Variants in RGS21 observed in about 807,000 individuals in gnomAD.
RGS21 encodes the protein regulator of G protein signaling 21.
Under a neutral mutation model 18.7 loss-of-function variants are expected in RGS21, and 19 were observed. The ratio of observed to expected loss-of-function variants is 1.01; its 90% CI spans 0.71 to 1.49. The LOEUF is 1.49. RGS21 is among the 40% of genes most tolerant of loss of function. RGS21 has a pLI of 0.00. For missense variants in RGS21, 194 were observed against 176.8 expected (o/e 1.10, Z -0.55); for synonymous variants, 56 against 57.8 (o/e 0.97, Z 0.14).
At chr1:192,361,306 G>A (rs1190757105) in intron 4 of RGS21, among the ~76,000 whole-genome samples, 1 of 152,100 alleles carries the variant, frequency 6.6e-6, no homozygotes, top group Non-Finnish European at 1.5e-5. Flanking sequence ...AGAAAGAAAA[G>A]ACTTGAGGCA....
At chr1:192,353,975 T>C (rs893728301) in intron 4 of RGS21, among the ~76,000 whole-genome samples, 3 of 151,650 alleles carry the variant, frequency 2.0e-5, no homozygotes, top group Admixed American at 6.6e-5. Flanking sequence ...TGTTTATATA[T>C]ACATATATAT....
In RGS21 at chr1:192,347,387, A is replaced by G. The variant is rs1362682176; in HGVS notation, c.86A>G (p.Gln29Arg). The change falls in exon 3 of 5, where the codon CAA (glutamine) becomes CGA (arginine). Residue 29 changes from glutamine (Q) to arginine (R), a missense_variant and splice_region_variant. Coordinates refer to ENST00000417209, the MANE Select transcript of RGS21 (RefSeq NM_001039152.3). ...AATATGGACACGCTTTTAGCCAACCAAGGTAAGATTTAACTAATAATAGGC... is the reference window on the plus strand; with the variant it reads ...AATATGGACACGCTTTTAGCCAACCGAGGTAAGATTTAACTAATAATAGGC... ...SENMDTLLAN[Q>R]AGLDAFRIFL... 3 of 1,551,074 alleles carry G rather than the reference A, an allele frequency of 1.9e-6. No homozygotes were observed. The highest frequency in any genetic ancestry group is 2.7e-6 in the Non-Finnish European group (3 of 1,124,750).
chr1:192,366,081 G>A lies in RGS21; in HGVS notation c.416G>A (p.Ser139Asn), dbSNP rs372878348. 1.9e-5 allele frequency: 31 copies of A among 1,611,592 alleles called. 1 individual carries two copies. Among genetic ancestry groups the A allele is most frequent in the Admixed American group, 1.5e-4 (9 of 59,804 alleles). Residue 139 changes from serine to asparagine, a missense_variant, in exon 5 of 5, where the codon AGC becomes AAC. Coordinates refer to ENST00000417209, the MANE Select transcript of RGS21 (RefSeq NM_001039152.3). ...GAGATTTATAAAAAACTGGTAAATAGCCAACAGGTTCCAAATCATAAAAAA... is the reference window on the plus strand; with the variant it reads ...GAGATTTATAAAAAACTGGTAAATAACCAACAGGTTCCAAATCATAAAAAA... ...KSEIYKKLVN[S>N]QQVPNHKKWL...
intron 1 of RGS21, among the ~76,000 whole-genome samples, chr1:192,320,481 C>G (rs1658479671): frequency 7.3e-6 from 1 of 136,474 alleles, no homozygotes; most frequent in African/African-American, 2.7e-5. Context: ...CTAGCACAGA[C>G]CATGTAAAAT....
chr1:192,318,924 A>G (rs1658457746), intron 1 of RGS21, among the ~76,000 whole-genome samples: 1 of 152,096 alleles, frequency 6.6e-6, no homozygotes, highest in Non-Finnish European at 1.5e-5. Context: ...GAAGGGCAGA[A>G]TAAAATCCAT....
At chr1:192,349,509 C>T (rs1206772450) in intron 3 of RGS21, among the ~76,000 whole-genome samples, 1 of 152,144 alleles carries the variant, frequency 6.6e-6, no homozygotes, top group African/African-American at 2.4e-5. Flanking sequence ...ACTTAACGCC[C>T]TTTGTTGATG....
At chr1:192,344,361 T>C (rs1658916817) in intron 2 of RGS21, among the ~76,000 whole-genome samples, 4 of 152,090 alleles carry the variant, frequency 2.6e-5, no homozygotes, top group Admixed American at 2.6e-4. Context: ...CAAACTTGTG[T>C]TTCAATTCTA....
Position 192,366,330 on chromosome 1 carries a change from G to C in RGS21, c.*206G>C. The C allele has an allele frequency of 2.1e-6, 1 of 485,356 alleles. No homozygotes were observed. The highest frequency in any genetic ancestry group is 3.6e-6 in the Non-Finnish European group (1 of 275,098). 30.1% of individuals were successfully genotyped at this position (485,356 alleles called of 1,614,324 possible). On this transcript the variant is annotated 3_prime_UTR_variant, in exon 5 of 5. Transcript: ENST00000417209. The stretch of plus-strand genomic sequence containing the variant: ...TTTACCAGCTATTTAATCTCCTACT[G>C]GGGGAGTACAAAGAAAGTTTATAGA...
chr1:192,352,187 T>A lies in RGS21; in HGVS notation c.229T>A (p.Phe77Ile), dbSNP rs777955991. ...ASKAKMIYSEFIEADAPKEIN... is the reference protein window; with the variant it reads ...ASKAKMIYSEIIEADAPKEIN... ...CAAAGCCAAGATGATTTATTCTGAA[T>A]TCATTGAAGCTGATGCACCTAAAGA... is the stretch of plus-strand genomic sequence containing the variant. Residue 77 changes from phenylalanine to isoleucine, a missense_variant, in exon 4 of 5, where the codon TTC (phenylalanine) becomes ATC (isoleucine). Transcript: ENST00000417209. 3.7e-6 allele frequency: 6 copies of A among 1,609,320 alleles called. No individual in the cohort carries two copies. The Admixed American group carries it at 6.7e-5, about 18-fold the overall frequency.
At position 192,366,545 on chromosome 1, in the gene RGS21, A is replaced by T. The variant is rs971649115; in HGVS notation, c.*421A>T. ...TTTCTGAACCAAAATACAAGCTTTC[A>T]TTTAATATATTTAACTGTTTTTTTT... On this transcript the variant is annotated 3_prime_UTR_variant, in exon 5 of 5. Coordinates refer to ENST00000417209, the MANE Select transcript of RGS21 (RefSeq NM_001039152.3). The T allele has an allele frequency of 1.3e-5, 2 of 153,002 alleles. No individual in the cohort carries two copies. Among genetic ancestry groups the T allele is most frequent in the Admixed American group, 1.3e-4 (2 of 15,284 alleles). 9.5% of individuals were successfully genotyped at this position (153,002 alleles called of 1,614,324 possible).
At chr1:192,337,635 G>T (rs564342059) in intron 1 of RGS21, among the ~76,000 whole-genome samples, 1 of 151,912 alleles carries the variant, frequency 6.6e-6, no homozygotes, top group East Asian at 1.9e-4. Context: ...AAACACAGGG[G>T]GAGGGGTCAA....
At chr1:192,338,236 C>A (rs948711435) in intron 1 of RGS21, among the ~76,000 whole-genome samples, 2 of 152,104 alleles carry the variant, frequency 1.3e-5, no homozygotes, top group Non-Finnish European at 2.9e-5. Flanking sequence ...AACTCAGGCT[C>A]ATTGCTTTAT....
intron 1 of RGS21, among the ~76,000 whole-genome samples, chr1:192,329,209 A>T (rs1047607081): frequency 1.3e-5 from 2 of 152,128 alleles, no homozygotes; most frequent in African/African-American, 4.8e-5. Flanking sequence ...CAGTGAATTC[A>T]GTGATATTGA....
chr1:192,348,955 TAATTAGAAATAATTAG>T (rs1557979581), intron 3 of RGS21, among the ~76,000 whole-genome samples: 1 of 38,618 alleles, frequency 2.6e-5, no homozygotes, highest in Non-Finnish European at 5.2e-5. Flanking sequence ...AATTTAGAAA[TAATTAGAAATAATTAG>T]AAAGTATAAA....
intron 2 of RGS21, among the ~76,000 whole-genome samples, chr1:192,344,495 T>C (rs1658919251): frequency 1.3e-5 from 2 of 152,114 alleles, no homozygotes; most frequent in Non-Finnish European, 2.9e-5. Context: ...GTCTATGATA[T>C]GCGTAGCACA....
At position 192,366,745 on chromosome 1, in the gene RGS21, T is replaced by C. The variant is rs1272338314; in HGVS notation, c.*621T>C. Reference sequence around the variant, plus strand: ...TGGCTCAATTCAATGGCATCACATATAAAATGTGATGAGTTATGTATGAAA... The same window carrying C: ...TGGCTCAATTCAATGGCATCACATACAAAATGTGATGAGTTATGTATGAAA... On this transcript the variant is annotated 3_prime_UTR_variant, in exon 5 of 5. Transcript: ENST00000417209. 2 of 152,036 alleles carry C rather than the reference T, an allele frequency of 1.3e-5. No homozygotes were observed. The highest frequency in any genetic ancestry group is 6.6e-5 in the Admixed American group (1 of 15,240). The allele number at this position is 152,036 out of a possible 1,614,324, so 9.4% of individuals were successfully genotyped here.
rs1659046263 is a variant in RGS21 at position 192,351,808 on chromosome 1, A to ATATATGTGC, written c.89-233_89-225dup. 2.0e-5 allele frequency among the ~76,000 whole-genome samples: 3 copies of ATATATGTGC among 147,706 alleles called. No individual in the cohort carries two copies. The South Asian group carries it at 6.3e-4, about 31-fold the overall frequency. On this transcript the variant is annotated intron_variant, in intron 3 of 4. Coordinates refer to ENST00000417209, the MANE Select transcript of RGS21 (RefSeq NM_001039152.3). ...ATAACACATATATAGCACATATAACATATATGTGCTATATATGTGTTATAT... is the reference window on the plus strand; with the variant it reads ...ATAACACATATATAGCACATATAACATATATGTGCTATATGTGCTATATATGTGTTATAT...
chr1:192,328,654 A>G (rs1658602552), intron 1 of RGS21, among the ~76,000 whole-genome samples: 1 of 152,186 alleles, frequency 6.6e-6, no homozygotes, highest in Admixed American at 6.5e-5. Flanking sequence ...AAGATTGGAA[A>G]TAATTATCAA....
At position 192,366,018 on chromosome 1, in the gene RGS21, T is replaced by G; in HGVS notation, c.353T>G (p.Leu118Arg). Residue 118 changes from leucine to arginine, a missense_variant, in exon 5 of 5, where the codon CTC (leucine) becomes CGC (arginine). Leu to Arg is a moderately radical substitution (Grantham distance 102, BLOSUM62 -2). Coordinates refer to ENST00000417209, the MANE Select transcript of RGS21 (RefSeq NM_001039152.3). ...GAGGCTCAGAAATTAATCTATTGTC[T>G]CATGGCCAAGGATTCTTTCCCTCGA... ...FDEAQKLIYC[L>R]MAKDSFPRFL... The G allele has an allele frequency of 1.2e-6, 2 of 1,610,320 alleles. No homozygotes were observed. The highest frequency in any genetic ancestry group is 1.7e-6 in the Non-Finnish European group (2 of 1,177,030).
Sources: allele counts gnomAD v4.1 joint callset (sites outside exome capture counted in the v4.1 genomes callset), GRCh38; gene constraint gnomAD v4.1.1; transcripts MANE v1.5; gene names NCBI Gene and HGNC (gene_info 2026-07-23, HGNC 2026-07-21).